KCNQ1: variants seen among roughly 807,000 people sequenced by gnomAD.
KCNQ1 encodes potassium voltage-gated channel subfamily KQT member 1.
Under a neutral mutation model 72.4 loss-of-function variants are expected in KCNQ1, and 49 were observed. The observed-to-expected ratio is 0.68, with a 90% CI of 0.54 to 0.86. The LOEUF (loss-of-function observed/expected upper bound fraction) is 0.86. Among genes scored for constraint, KCNQ1 ranks in the 40% least tolerant of loss-of-function variants. The pLI is 0.00. For synonymous variants in KCNQ1, 450 were observed against 412.6 expected (o/e 1.09, Z -1.10); for missense variants, 790 against 945.1 (o/e 0.84, Z 2.15).
At chr11:2,500,596 TCA>T (rs1846993525) in intron 1 of KCNQ1, among the ~76,000 whole-genome samples, 1 of 152,238 alleles carries the variant, frequency 6.6e-6, no homozygotes, top group Non-Finnish European at 1.5e-5. Flanking sequence ...GCACCACTAT[TCA>T]CAATAGCAAA....
chr11:2,489,337 A>G (rs886728073), intron 1 of KCNQ1, among the ~76,000 whole-genome samples: 1 of 152,210 alleles, frequency 6.6e-6, no homozygotes, highest in Non-Finnish European at 1.5e-5. Flanking sequence ...CACACCCAGC[A>G]CAGAGGGAGC....
intron 11 of KCNQ1, among the ~76,000 whole-genome samples, chr11:2,718,622 G>A (rs572622616): frequency 4.7e-4 from 72 of 152,328 alleles, no homozygotes; most frequent in East Asian, 7.7e-4. Flanking sequence ...AGTCGTCTAC[G>A]TGCTTTGTGT....
chr11:2,642,136 T>G lies in KCNQ1; in HGVS notation c.1394-19825T>G. 2.5e-6 allele frequency: 1 copy of G among 398,440 alleles called. No homozygotes were observed. The highest frequency in any genetic ancestry group is 3.6e-5 in the East Asian group (1 of 28,038). The allele number at this position is 398,440 out of a possible 1,614,324, so 24.7% of individuals were successfully genotyped here. On this transcript the variant is annotated intron_variant, in intron 10 of 15. Coordinates refer to ENST00000155840, the MANE Select transcript of KCNQ1 (RefSeq NM_000218.3). The surrounding 1 kb of genome is among the most constrained non-coding windows in gnomAD (Gnocchi z 4.3). ...TTTGGTTCCATCTGAATTTTAGGATTTTTTCTATTTCCATGAAAAATGGCA... is the reference window on the plus strand; with the variant it reads ...TTTGGTTCCATCTGAATTTTAGGATGTTTTCTATTTCCATGAAAAATGGCA...
At chr11:2,604,703 C>A (rs574776048) in intron 10 of KCNQ1, among the ~76,000 whole-genome samples, 1 of 151,976 alleles carries the variant, frequency 6.6e-6, no homozygotes, top group Admixed American at 6.5e-5. Context: ...TGCCACCATG[C>A]CCAGCTAATT....
intron 10 of KCNQ1, chr11:2,615,429 T>C (rs55724397): frequency 0.016 from 6,400 of 398,018 alleles, 337 homozygotes; most frequent in African/African-American, 0.12. Context: ...GTTAAAACTT[T>C]CAGTACATTG....
chr11:2,675,249 C>T (rs1001133564), intron 11 of KCNQ1: 16 of 398,482 alleles, frequency 4.0e-5, no homozygotes, highest in Non-Finnish European at 5.3e-5. Context: ...CCAAGCAGTA[C>T]TGTTTCAGAA....
At chr11:2,455,105 T>G (rs1419667015) in intron 1 of KCNQ1, among the ~76,000 whole-genome samples, 1 of 151,894 alleles carries the variant, frequency 6.6e-6, no homozygotes, top group East Asian at 1.9e-4. Context: ...AGCAGCTTTT[T>G]TTTTTTTTTT....
Position 2,507,086 on chromosome 11 carries a change from A to G in KCNQ1, c.387-20842A>G, listed in dbSNP as rs183436976. 6.6e-6 allele frequency among the ~76,000 whole-genome samples: 1 copy of G among 152,210 alleles called. No individual in the cohort carries two copies. Among genetic ancestry groups the G allele is most frequent in the African/African-American group, 2.4e-5 (1 of 41,530 alleles). On this transcript the variant is annotated intron_variant, in intron 1 of 15. Transcript: ENST00000155840. The surrounding 1 kb of genome is among the most constrained non-coding windows in gnomAD (Gnocchi z 5.4). ...CATCAAATTTATCATGCTTCTTTCT[A>G]CTGACTCCGGATTCAGGGCCACAGT...
chr11:2,497,150 T>TG lies in KCNQ1; in HGVS notation c.387-30777dup, dbSNP rs1200546324. Among the ~76,000 whole-genome samples the TG allele has an allele frequency of 1.3e-5, 2 of 152,162 alleles. No individual in the cohort carries two copies. The highest frequency in any genetic ancestry group is 4.8e-5 in the African/African-American group (2 of 41,442). The stretch of plus-strand genomic sequence containing the variant: ...ATCTGACAATTATATGTCTTGGGGT[T>TG]GCTCTTCTTGAGGAGTATCTTAGTG... On this transcript the variant is annotated intron_variant, in intron 1 of 15. Coordinates refer to ENST00000155840, the MANE Select transcript of KCNQ1 (RefSeq NM_000218.3). The surrounding 1 kb of genome is among the most constrained non-coding windows in gnomAD (Gnocchi z 4.5).
At chr11:2,731,363 G>A (rs17743926) in intron 11 of KCNQ1, among the ~76,000 whole-genome samples, 18,681 of 152,260 alleles carry the variant, frequency 0.12, 1,294 homozygotes, top group Middle Eastern at 0.19. Flanking sequence ...CAGACCCCTC[G>A]GGAATTCAGG....
intron 15 of KCNQ1, among the ~76,000 whole-genome samples, chr11:2,814,194 A>T (rs1424564690): frequency 1.4e-5 from 2 of 146,652 alleles, no homozygotes; most frequent in African/African-American, 5.1e-5. Flanking sequence ...GGGGGGGTAG[A>T]TGGAGAGATG....
Position 2,769,488 on chromosome 11 carries a change from A to T in KCNQ1, c.1590+569A>T, listed in dbSNP as rs539899899. On this transcript the variant is annotated intron_variant, in intron 12 of 15. Transcript: ENST00000155840. The surrounding 1 kb of genome is among the most constrained non-coding windows in gnomAD (Gnocchi z 4.6). ...TCCAGGGCTTCCATAAGCTGCCCTA[A>T]CTTCTCCAGGGGCATGTCCCCCCTA... 2.0e-3 allele frequency among the ~76,000 whole-genome samples: 300 copies of T among 152,106 alleles called. 1 individual carries two copies. Among genetic ancestry groups the T allele is most frequent in the African/African-American group, 6.9e-3 (287 of 41,502 alleles).
rs1313159540 is a variant in KCNQ1 at position 2,509,332 on chromosome 11, T to A, written c.387-18596T>A. Among the ~76,000 whole-genome samples the A allele has an allele frequency of 1.3e-5, 2 of 152,168 alleles. No homozygotes were observed. The highest frequency in any genetic ancestry group is 2.9e-5 in the Non-Finnish European group (2 of 68,016). On this transcript the variant is annotated intron_variant, in intron 1 of 15. Transcript: ENST00000155840. The surrounding 1 kb of genome is among the most constrained non-coding windows in gnomAD (Gnocchi z 6.3). ...TGGCATCATCATTGTTTCCCCTCCA[T>A]GTTCAAGTTCAGCATCTCTGCACCC...
intron 1 of KCNQ1, among the ~76,000 whole-genome samples, chr11:2,485,950 A>G (rs1846734091): frequency 6.6e-6 from 1 of 152,236 alleles, no homozygotes; most frequent in Admixed American, 6.5e-5. Flanking sequence ...CTTTTGATGA[A>G]CATTTGGGTT....
At chr11:2,553,963 C>T (rs575318668) in intron 2 of KCNQ1, among the ~76,000 whole-genome samples, 6 of 152,276 alleles carry the variant, frequency 3.9e-5, no homozygotes, top group Admixed American at 6.5e-5. Flanking sequence ...GTGATCTGCC[C>T]GCCTTGACCT....
At chr11:2,774,179 C>T (rs2133987157) in intron 12 of KCNQ1, among the ~76,000 whole-genome samples, 1 of 152,358 alleles carries the variant, frequency 6.6e-6, no homozygotes, top group Non-Finnish European at 1.5e-5. Flanking sequence ...AGAAGAAGGA[C>T]TTAGCATTCC....
In KCNQ1 at chr11:2,445,247, T is replaced by C; in HGVS notation, c.149T>C (p.Leu50Pro). The part of the protein sequence containing the change: ...LAEGGPAGGA[L>P]YAPIAPGAPG... ...GAGGGCGGCCCGGCGGGCGGCGCGC[T>C]CTACGCGCCCATCGCGCCCGGCGCC... Residue 50 changes from leucine to proline, a missense_variant, in exon 1 of 16, where the codon CTC becomes CCC. By Grantham distance (98) the Leu-to-Pro change is moderately conservative. This residue lies in a region of KCNQ1 where 294 missense variants were observed against 323.3 expected (regional missense o/e 0.91). Coordinates refer to ENST00000155840, the MANE Select transcript of KCNQ1 (RefSeq NM_000218.3). 1 of 1,185,138 alleles carries C rather than the reference T, an allele frequency of 8.4e-7. No individual in the cohort carries two copies. The highest frequency in any genetic ancestry group is 1.0e-6 in the Non-Finnish European group (1 of 960,668). 73.4% of individuals were successfully genotyped at this position (1,185,138 alleles called of 1,614,324 possible).
intron 1 of KCNQ1, among the ~76,000 whole-genome samples, chr11:2,472,894 T>G (rs558767694): frequency 1.3e-5 from 2 of 152,146 alleles, no homozygotes; most frequent in South Asian, 4.2e-4. Flanking sequence ...AAGTTGCAGC[T>G]CTGGGGCCCT....
At chr11:2,625,735 A>G (rs1403454751) in intron 10 of KCNQ1, 1 of 397,096 alleles carries the variant, frequency 2.5e-6, no homozygotes, top group African/African-American at 2.1e-5. Flanking sequence ...ACGCCTGGCT[A>G]ATTTTTTGTA....
Sources: gnomAD v4.1 joint callset for allele counts (sites outside exome capture counted in the v4.1 genomes callset) on GRCh38, gnomAD v4.1.1 for gene constraint, gnomAD v4.1.1 regional missense constraint, Gnocchi (gnomAD v3.1) non-coding constraint, MANE v1.5 for transcripts, NCBI Gene and HGNC (gene_info 2026-07-23, HGNC 2026-07-21) for gene names.